The following USP6NL variants were observed in gnomAD, a reference collection of about 807,000 sequenced individuals.
The protein encoded by USP6NL is USP6 N-terminal-like protein.
A neutral mutation model predicts 61.9 loss-of-function variants in USP6NL; 26 were observed. That is an observed-to-expected ratio of 0.42 (90% confidence interval 0.31 to 0.58). The LOEUF (loss-of-function observed/expected upper bound fraction) is 0.58, where lower values mean the gene tolerates loss of function less well. USP6NL is among the 20% of genes least tolerant of loss of function. USP6NL has a pLI of 0.16. For missense variants in USP6NL, 1,114 were observed against 1,034.3 expected, an observed-to-expected ratio of 1.08 and a Z score of -1.06; for synonymous variants, 432 against 390.1, an observed-to-expected ratio of 1.11 and a Z score of -1.27.
chr10:11,609,486 G>C (rs1838810004), intron 1 of USP6NL, among the ~76,000 whole-genome samples: 1 of 152,188 alleles, frequency 6.6e-6, no homozygotes, highest in Non-Finnish European at 1.5e-5. Context: ...CAGTGAAATT[G>C]TGAACATAAA....
At position 11,489,321 on chromosome 10, in the gene USP6NL, C is replaced by T; in HGVS notation, c.544-99G>A. 1.4e-6 allele frequency: 2 copies of T among 1,466,894 alleles called. No individual in the cohort carries two copies. The highest frequency in any genetic ancestry group is 1.8e-6 in the Non-Finnish European group (2 of 1,083,990). The allele number at this position is 1,466,894 out of a possible 1,614,324, so 90.9% of individuals were successfully genotyped here. On this transcript the variant is annotated intron_variant, in intron 9 of 14. Transcript: ENST00000609104. The surrounding 1 kb of genome is among the most constrained non-coding windows in gnomAD (Gnocchi z 5.7). ...CTCTATAAAAACCAGAAAATGCCTA[C>T]ACACATCATTTAATGGTCCATTCTA...
intron 2 of USP6NL, among the ~76,000 whole-genome samples, chr10:11,593,240 G>A (rs1234012960): frequency 6.6e-6 from 1 of 152,128 alleles, no homozygotes; most frequent in Non-Finnish European, 1.5e-5. Context: ...GAGCAAATAA[G>A]CTAGTAAGTG....
chr10:11,497,825 G>A (rs1337930971), intron 7 of USP6NL, among the ~76,000 whole-genome samples: 2 of 152,196 alleles, frequency 1.3e-5, no homozygotes, highest in East Asian at 3.8e-4. Flanking sequence ...GAGATTAGGT[G>A]GGTTGAGATC....
At chr10:11,464,892 C>A (rs541574565) in intron 14 of USP6NL, among the ~76,000 whole-genome samples, 1 of 152,100 alleles carries the variant, frequency 6.6e-6, no homozygotes, top group Admixed American at 6.5e-5. Flanking sequence ...CTTGAAATGC[C>A]AGGAATGGAG....
chr10:11,490,599 G>A lies in USP6NL; in HGVS notation c.543+233C>T, dbSNP rs1468245941. On this transcript the variant is annotated intron_variant, in intron 9 of 14. Transcript: ENST00000609104. The surrounding 1 kb of genome is among the most constrained non-coding windows in gnomAD (Gnocchi z 4.5). ...AACAATATGGAGGGAGAGAGAAAAG[G>A]TGAGACTCACTGGCATACTGTGGTC... is the stretch of plus-strand genomic sequence containing the variant. 1.3e-5 allele frequency among the ~76,000 whole-genome samples: 2 copies of A among 152,298 alleles called. No homozygotes were observed. Among genetic ancestry groups the A allele is most frequent in the South Asian group, 2.1e-4 (1 of 4,826 alleles).
chr10:11,505,700 T>C (rs1478997635), intron 6 of USP6NL, among the ~76,000 whole-genome samples: 1 of 152,124 alleles, frequency 6.6e-6, no homozygotes, highest in Non-Finnish European at 1.5e-5. Context: ...TTCCAACAAA[T>C]GACTAATGTT....
At chr10:11,580,260 C>T (rs1393530588) in intron 2 of USP6NL, among the ~76,000 whole-genome samples, 2 of 152,036 alleles carry the variant, frequency 1.3e-5, no homozygotes, top group African/African-American at 4.8e-5. Flanking sequence ...AATAATTAAA[C>T]AATATAATTT....
In USP6NL at chr10:11,602,529, G is replaced by C. The variant is rs549677868; in HGVS notation, c.-83-4812C>G. Among the ~76,000 whole-genome samples, 102 of 152,206 alleles carry C rather than the reference G, an allele frequency of 6.7e-4. No individual in the cohort carries two copies. The highest frequency in any genetic ancestry group is 2.4e-3 in the African/African-American group (98 of 41,512). On this transcript the variant is annotated intron_variant, in intron 1 of 14. Transcript: ENST00000609104. The surrounding 1 kb of genome is among the most constrained non-coding windows in gnomAD (Gnocchi z 4.8). Reference sequence around the variant, plus strand: ...TGCCAAGAACAAAGCCAAGTCTCTCGCATCATGGAATGTACAGCACAGTAA... The same window carrying C: ...TGCCAAGAACAAAGCCAAGTCTCTCCCATCATGGAATGTACAGCACAGTAA...
rs918917364 is a variant in USP6NL at position 11,532,626 on chromosome 10, C to T, written c.5-5059G>A. 6.6e-6 allele frequency among the ~76,000 whole-genome samples: 1 copy of T among 152,138 alleles called. No homozygotes were observed. The highest frequency in any genetic ancestry group is 2.4e-5 in the African/African-American group (1 of 41,416). ...CCTTCATCTTGTGTCTCGATATTAG[C>T]CACTTTCTTATTTCTTATTAAAAAT... is the stretch of plus-strand genomic sequence containing the variant. On this transcript the variant is annotated intron_variant, in intron 2 of 14. Transcript: ENST00000609104. The surrounding 1 kb of genome is among the most constrained non-coding windows in gnomAD (Gnocchi z 4.1).
rs750200060 is a variant in USP6NL at position 11,478,647 on chromosome 10, G to C, written c.1078+3123C>G. On this transcript the variant is annotated intron_variant, in intron 14 of 14. Transcript: ENST00000609104. The surrounding 1 kb of genome is among the most constrained non-coding windows in gnomAD (Gnocchi z 6.8). ...GTGTAACTGGAGGCCGGATACTCCT[G>C]TTATCCTAGCACTTTGGGAGGCTGA... Among the ~76,000 whole-genome samples the C allele has an allele frequency of 1.3e-5, 2 of 152,138 alleles. No individual in the cohort carries two copies. The highest frequency in any genetic ancestry group is 2.9e-5 in the Non-Finnish European group (2 of 68,026).
rs908900390 is a variant in USP6NL at position 11,460,559 on chromosome 10, T to C, written c.*1882A>G. ...AAAAAACAATCACATCAAAAAAGTA[T>C]ACAGATAAAAAATGTCATAAATGAC... On this transcript the variant is annotated 3_prime_UTR_variant, in exon 15 of 15. Transcript: ENST00000609104. 9 of 145,870 alleles carry C rather than the reference T, an allele frequency of 6.2e-5. No homozygotes were observed. In the South Asian group the frequency reaches 1.9e-3, roughly 31 times the overall value. 9.0% of individuals were successfully genotyped at this position (145,870 alleles called of 1,614,324 possible).
At chr10:11,472,519 T>C (rs1268371059) in intron 14 of USP6NL, among the ~76,000 whole-genome samples, 2 of 152,244 alleles carry the variant, frequency 1.3e-5, no homozygotes, top group Non-Finnish European at 2.9e-5. Flanking sequence ...TTCTAACAGT[T>C]TTCGGGAAGA....
chr10:11,493,083 T>C, intron 8 of USP6NL, 36 bp downstream of exon 8: 1 of 1,515,284 alleles, frequency 6.6e-7, no homozygotes, highest in Non-Finnish European at 9.0e-7. Flanking sequence ...TATTTATAAA[T>C]GCGATTAACA....
Position 11,575,368 on chromosome 10 carries a change from C to T in USP6NL, c.4+22263G>A, listed in dbSNP as rs1194430613. On this transcript the variant is annotated intron_variant, in intron 2 of 14. Transcript: ENST00000609104. This position sits in a 1 kb window ranked among gnomAD's most constrained non-coding sequence, Gnocchi z 4.2. ...TTGTTTTCCAATCATGTTTCCAGCT[C>T]CTGAGAAATTACTTCCTCTCTTCTG... 1.3e-5 allele frequency among the ~76,000 whole-genome samples: 2 copies of T among 152,178 alleles called. No homozygotes were observed. The highest frequency in any genetic ancestry group is 1.3e-4 in the Admixed American group (2 of 15,280).
rs922248308 is a variant in USP6NL at position 11,600,533 on chromosome 10, C to T, written c.-83-2816G>A. 6.6e-6 allele frequency among the ~76,000 whole-genome samples: 1 copy of T among 152,018 alleles called. No individual in the cohort carries two copies. Among genetic ancestry groups the T allele is most frequent in the Admixed American group, 6.6e-5 (1 of 15,266 alleles). ...ACAGCATTATTACAGCCAAAGATGA[C>T]TAATACAGACAGTAAAGATAGTAAT... On this transcript the variant is annotated intron_variant, in intron 1 of 14. Coordinates refer to ENST00000609104, the MANE Select transcript of USP6NL (RefSeq NM_014688.5). The surrounding 1 kb of genome is among the most constrained non-coding windows in gnomAD (Gnocchi z 4.1).
At chr10:11,560,942 T>C (rs932755388) in intron 2 of USP6NL, among the ~76,000 whole-genome samples, 1 of 151,824 alleles carries the variant, frequency 6.6e-6, no homozygotes, top group Non-Finnish European at 1.5e-5. Context: ...GATACACTAA[T>C]AATGTACAAG....
chr10:11,596,976 T>C lies in USP6NL; in HGVS notation c.4+655A>G, dbSNP rs1343737815. 6.6e-6 allele frequency among the ~76,000 whole-genome samples: 1 copy of C among 152,164 alleles called. No homozygotes were observed. Among genetic ancestry groups the C allele is most frequent in the East Asian group, 1.9e-4 (1 of 5,182 alleles). On this transcript the variant is annotated intron_variant, in intron 2 of 14. Coordinates refer to ENST00000609104, the MANE Select transcript of USP6NL (RefSeq NM_014688.5). This position sits in a 1 kb window ranked among gnomAD's most constrained non-coding sequence, Gnocchi z 4.1. ...AAAGATTCCATAATCAGGAAATCTA[T>C]ACTTCAAATCTCCATATAATCCCAG...
At chr10:11,521,873 T>C (rs969789166) in intron 4 of USP6NL, among the ~76,000 whole-genome samples, 2 of 152,244 alleles carry the variant, frequency 1.3e-5, no homozygotes, top group African/African-American at 4.8e-5. Flanking sequence ...TATTAATAAC[T>C]TGTGACCTAA....
At chr10:11,542,519 G>A (rs542153011) in intron 2 of USP6NL, among the ~76,000 whole-genome samples, 3 of 152,250 alleles carry the variant, frequency 2.0e-5, no homozygotes, top group South Asian at 2.1e-4. Flanking sequence ...AGGAGTTTGA[G>A]ACCAGCATGG....
Sources: gnomAD v4.1 joint callset for allele counts (sites outside exome capture counted in the v4.1 genomes callset) on GRCh38, gnomAD v4.1.1 for gene constraint, Gnocchi (gnomAD v3.1) non-coding constraint, MANE v1.5 for transcripts, NCBI Gene and HGNC (gene_info 2026-07-23, HGNC 2026-07-21) for gene names.